EDEM1: variants seen among roughly 807,000 people sequenced by gnomAD.
EDEM1 encodes ER degradation enhancing alpha-mannosidase like protein 1.
In EDEM1, 67 loss-of-function variants were observed where a neutral mutation model predicts 74.4. The ratio of observed to expected loss-of-function variants is 0.90; its 90% confidence interval spans 0.74 to 1.10. The LOEUF is 1.10. EDEM1 is among the 50% of genes least tolerant of loss of function. The probability of loss-of-function intolerance (pLI) is 0.00; values close to 1 mark genes in which losing one functional copy is unlikely to be tolerated. For synonymous variants in EDEM1, 382 were observed against 335.9 expected (o/e 1.14, Z -1.50); for missense variants, 926 against 851.6 (o/e 1.09, Z -1.09).
At chr3:5,202,822 C>A in intron 4 of EDEM1, 144 bp from the exon 5 acceptor site, 1 of 629,972 alleles carries the variant, frequency 1.6e-6, no homozygotes, top group Non-Finnish European at 2.7e-6. Context: ...CCGTATTCAC[C>A]TCAGATGTAT....
Position 5,218,296 on chromosome 3 carries a change from A to G in EDEM1, c.*2378A>G, listed in dbSNP as rs1168885978. 6.6e-6 allele frequency: 1 copy of G among 151,410 alleles called. No individual in the cohort carries two copies. The highest frequency in any genetic ancestry group is 1.5e-5 in the Non-Finnish European group (1 of 67,988). The allele number at this position is 151,410 out of a possible 1,614,324, so 9.4% of individuals were successfully genotyped here. ...GTCCAAAGTTTGATGCTATGTAGTC[A>G]GTGGTTTGTGGGGCTGGATGCCAGA... On this transcript the variant is annotated 3_prime_UTR_variant, in exon 12 of 12. Transcript: ENST00000256497.
chr3:5,194,700 G>C (rs2054941576), intron 1 of EDEM1, among the ~76,000 whole-genome samples: 1 of 152,228 alleles, frequency 6.6e-6, no homozygotes, highest in Admixed American at 6.5e-5. Flanking sequence ...GTGTAAAGAA[G>C]TTAATTTATA....
intron 8 of EDEM1, 126 bp downstream of exon 8, chr3:5,208,389 C>T (rs541830835): frequency 8.7e-7 from 1 of 1,144,014 alleles, no homozygotes; most frequent in Non-Finnish European, 1.2e-6. Context: ...GATTGAGTTA[C>T]CCCCTATCCG....
chr3:5,189,433 G>A (rs1445463661), intron 1 of EDEM1: 1 of 152,208 alleles, frequency 6.6e-6, no homozygotes, highest in Non-Finnish European at 1.5e-5. Context: ...ACCGAAGCAA[G>A]GGGACATCCC....
intron 8 of EDEM1, 85 bp downstream of exon 8, chr3:5,208,348 A>G: frequency 6.7e-7 from 1 of 1,492,640 alleles, no homozygotes. Context: ...TTGCTGAGTG[A>G]TTTAGGGTTA....
At chr3:5,205,333 G>T in intron 6 of EDEM1, 92 bp downstream of exon 6, 2 of 1,334,096 alleles carry the variant, frequency 1.5e-6, no homozygotes, top group Non-Finnish European at 2.1e-6. Context: ...CAATCACAGG[G>T]TCTGTTTATC....
chr3:5,197,930 A>G (rs2054989236), intron 2 of EDEM1, among the ~76,000 whole-genome samples: 1 of 152,206 alleles, frequency 6.6e-6, no homozygotes, highest in Non-Finnish European at 1.5e-5. Flanking sequence ...ATCAATCAGT[A>G]TGTGTAAGAT....
chr3:5,208,060 A>G (rs149973887), intron 7 of EDEM1, 33 bp from the exon 8 acceptor site: 3 of 1,561,458 alleles, frequency 1.9e-6, no homozygotes, highest in East Asian at 2.3e-5. Context: ...TAGGAATGGT[A>G]TCTCAGCCTG....
At chr3:5,189,999 TG>T (rs11353549) in intron 1 of EDEM1, among the ~76,000 whole-genome samples, 22,084 of 149,440 alleles carry the variant, frequency 0.15, 2,113 homozygotes, top group African/African-American at 0.26. Flanking sequence ...GTTTTTTTTT[TG>T]GGGGGGGGGA....
chr3:5,196,935 C>CTTTTTT (rs547304238), intron 2 of EDEM1, among the ~76,000 whole-genome samples: 1 of 138,418 alleles, frequency 7.2e-6, no homozygotes, highest in African/African-American at 2.6e-5. Context: ...CTTTTCTTTT[C>CTTTTTT]TTTTTTTTTT....
At chr3:5,192,001 A>G (rs939762959) in intron 1 of EDEM1, among the ~76,000 whole-genome samples, 8 of 152,212 alleles carry the variant, frequency 5.3e-5, no homozygotes, top group African/African-American at 1.9e-4. Context: ...TAAGCCAAAC[A>G]AATATTGGCC....
chr3:5,199,582 C>A lies in EDEM1; in HGVS notation c.583-10C>A, dbSNP rs374074063. 1.4e-5 allele frequency: 23 copies of A among 1,603,824 alleles called. No homozygotes were observed. The African/African-American group carries it at 3.1e-4, about 21-fold the overall frequency. ...AGTTGCTGTAATGACCTGTGTTCCT[C>A]TTTTTAAAGATAATGGGAAATTCAT... is the stretch of plus-strand genomic sequence containing the variant. On this transcript the variant is annotated splice_polypyrimidine_tract_variant and intron_variant, in intron 2 of 11. Coordinates refer to ENST00000256497, the MANE Select transcript of EDEM1 (RefSeq NM_014674.3).
chr3:5,199,641 A>G lies in EDEM1; in HGVS notation c.632A>G (p.Asn211Ser), dbSNP rs763683313. 1.2e-6 allele frequency: 2 copies of G among 1,614,010 alleles called. No homozygotes were observed. The highest frequency in any genetic ancestry group is 1.7e-6 in the Non-Finnish European group (2 of 1,179,930). ...EFQKAVKLVI[N>S]TVSFDKDSTV... ...CAGAAAGCCGTCAAGTTAGTGATCA[A>G]CACAGTTTCATTTGACAAAGATTCC... is the stretch of plus-strand genomic sequence containing the variant. Residue 211 changes from asparagine (N) to serine (S), a missense_variant, in exon 3 of 12, where the codon AAC (asparagine) becomes AGC (serine). Asn to Ser is a conservative substitution (Grantham distance 46). Coordinates refer to ENST00000256497, the MANE Select transcript of EDEM1 (RefSeq NM_014674.3).
intron 11 of EDEM1, among the ~76,000 whole-genome samples, chr3:5,214,043 C>T (rs554010594): frequency 3.9e-5 from 6 of 152,272 alleles, no homozygotes; most frequent in Admixed American, 6.5e-5. Flanking sequence ...GTGATGGTCA[C>T]GATGGTCCCA....
chr3:5,188,338 G>GC, intron 1 of EDEM1, 24 bp downstream of exon 1: 1 of 1,404,174 alleles, frequency 7.1e-7, no homozygotes, highest in South Asian at 1.6e-5. Context: ...GCCGCCCGGG[G>GC]CCGCGCGCCC....
chr3:5,206,599 C>T (rs1310371055), intron 6 of EDEM1, among the ~76,000 whole-genome samples: 1 of 152,162 alleles, frequency 6.6e-6, no homozygotes, highest in African/African-American at 2.4e-5. Flanking sequence ...TTCTTGGGTC[C>T]ATTTCTACAT....
At position 5,187,761 on chromosome 3, in the gene EDEM1, G is replaced by A. The variant is rs2054841271; in HGVS notation, c.-45G>A. The A allele has an allele frequency of 2.0e-6, 3 of 1,483,886 alleles. No homozygotes were observed. Among genetic ancestry groups the A allele is most frequent in the Non-Finnish European group, 2.7e-6 (3 of 1,117,194 alleles). The allele number at this position is 1,483,886 out of a possible 1,614,324, so 91.9% of individuals were successfully genotyped here. Reference sequence around the variant, plus strand: ...AGCGCGGGGTGCGGTGGTCGGCGGGGAGGCCCCCGCGCTTTAAAATAATGC... The same window carrying A: ...AGCGCGGGGTGCGGTGGTCGGCGGGAAGGCCCCCGCGCTTTAAAATAATGC... On this transcript the variant is annotated 5_prime_UTR_variant, in exon 1 of 12. Transcript: ENST00000256497.
intron 11 of EDEM1, among the ~76,000 whole-genome samples, chr3:5,215,457 T>G (rs2055222531): frequency 6.6e-6 from 1 of 152,266 alleles, no homozygotes; most frequent in South Asian, 2.1e-4. Flanking sequence ...CTTTCAGTCC[T>G]GGCCACGAAG....
In EDEM1 at chr3:5,199,413, G is replaced by C. The variant is rs543342629; in HGVS notation, c.583-179G>C. ...AGGACTCTTGAGTTGGAGGAAATGG[G>C]CCAGCCATGTGCTGGGAATATATGC... On this transcript the variant is annotated intron_variant, in intron 2 of 11. Coordinates refer to ENST00000256497, the MANE Select transcript of EDEM1 (RefSeq NM_014674.3). 2.6e-5 allele frequency among the ~76,000 whole-genome samples: 4 copies of C among 152,302 alleles called. No individual in the cohort carries two copies. The East Asian group carries it at 7.7e-4, about 29-fold the overall frequency.
Sources: gnomAD v4.1 joint callset for allele counts (sites outside exome capture counted in the v4.1 genomes callset) on GRCh38, gnomAD v4.1.1 for gene constraint, MANE v1.5 for transcripts, NCBI Gene and HGNC (gene_info 2026-07-23, HGNC 2026-07-21) for gene names.